Variants in PKP4 observed in about 807,000 individuals in gnomAD.
PKP4 encodes the protein plakophilin-4.
Under a neutral mutation model 145.1 loss-of-function variants are expected in PKP4, and 90 were observed. That is an observed-to-expected ratio of 0.62 (90% CI 0.52 to 0.74). PKP4 has a LOEUF of 0.74. PKP4 is among the 30% of genes least tolerant of loss of function. The probability of loss-of-function intolerance (pLI) is 0.00; values close to 1 mark genes in which losing one functional copy is unlikely to be tolerated. For missense variants in PKP4, 1,340 were observed against 1,482.7 expected (o/e 0.90, Z 1.58); for synonymous variants, 563 against 577.2 (o/e 0.98, Z 0.35).
chr2:158,617,103 T>G (rs543991018), intron 4 of PKP4, among the ~76,000 whole-genome samples: 1 of 152,346 alleles, frequency 6.6e-6, no homozygotes, highest in South Asian at 2.1e-4. Flanking sequence ...TTTTTCTAAT[T>G]ACATAGTTTT....
At chr2:158,535,376 A>G (rs1455924913) in intron 2 of PKP4, among the ~76,000 whole-genome samples, 1 of 152,194 alleles carries the variant, frequency 6.6e-6, no homozygotes, top group Non-Finnish European at 1.5e-5. Context: ...CATGTTTTAT[A>G]TCCAAAAGAG....
At chr2:158,646,073 G>A (rs951636481) in intron 11 of PKP4, among the ~76,000 whole-genome samples, 4 of 152,154 alleles carry the variant, frequency 2.6e-5, no homozygotes, top group African/African-American at 9.7e-5. Flanking sequence ...AATTCAGAAA[G>A]AGCTGTTTTC....
chr2:158,627,289 A>G (rs1457411239), intron 7 of PKP4, among the ~76,000 whole-genome samples: 1 of 152,156 alleles, frequency 6.6e-6, no homozygotes, highest in Non-Finnish European at 1.5e-5. Flanking sequence ...TAGAACAGCT[A>G]TGTAGAAATC....
intron 1 of PKP4, among the ~76,000 whole-genome samples, chr2:158,496,517 C>T (rs1301306512): frequency 1.3e-5 from 2 of 152,104 alleles, no homozygotes; most frequent in Non-Finnish European, 2.9e-5. Flanking sequence ...GGTCCACATC[C>T]ATCTGTCCTC....
intron 9 of PKP4, among the ~76,000 whole-genome samples, chr2:158,639,035 C>A (rs976672342): frequency 6.6e-6 from 1 of 152,182 alleles, no homozygotes; most frequent in Non-Finnish European, 1.5e-5. Context: ...GTTTCACTAA[C>A]CTCTATCACT....
At chr2:158,673,843 T>TACAATAAATGATTATGAGTGTGTGCTCTG in intron 18 of PKP4, 40 bp from the exon 19 acceptor site, 1 of 1,477,508 alleles carries the variant, frequency 6.8e-7, no homozygotes, top group Non-Finnish European at 9.5e-7. Flanking sequence ...GAAATGTCAT[T>TACAATAAATGATTATGAGTGTGTGCTCTG]ATTCATTTTG....
intron 11 of PKP4, among the ~76,000 whole-genome samples, chr2:158,652,887 AT>A (rs2055523066): frequency 1.3e-5 from 2 of 152,142 alleles, no homozygotes; most frequent in Admixed American, 1.3e-4. Context: ...TATCTCCTTG[AT>A]GGTTCCTCAC....
chr2:158,531,165 A>G (rs935668254), intron 1 of PKP4, among the ~76,000 whole-genome samples: 4 of 152,214 alleles, frequency 2.6e-5, no homozygotes, highest in Non-Finnish European at 1.5e-5. Flanking sequence ...TACAATTACC[A>G]TAATATAATT....
intron 2 of PKP4, chr2:158,533,551 T>G (rs1574341511): frequency 3.3e-6 from 2 of 597,302 alleles, no homozygotes; most frequent in East Asian, 7.6e-5. Context: ...ACAATCTCGA[T>G]GGTGATCGGT....
At chr2:158,634,030 G>C (rs374825513) in intron 8 of PKP4, 40 bp from the exon 9 acceptor site, 10 of 1,119,480 alleles carry the variant, frequency 8.9e-6, no homozygotes, top group Non-Finnish European at 1.4e-5. Context: ...GTGATCTCAT[G>C]GAGAACATAC....
chr2:158,502,117 C>A (rs1348911748), intron 1 of PKP4, among the ~76,000 whole-genome samples: 1 of 152,078 alleles, frequency 6.6e-6, no homozygotes, highest in East Asian at 1.9e-4. Context: ...TGCATTCATG[C>A]TGAAGAGTAG....
chr2:158,459,775 T>C (rs1689472301), intron 1 of PKP4, among the ~76,000 whole-genome samples: 1 of 147,396 alleles, frequency 6.8e-6, no homozygotes, highest in African/African-American at 2.5e-5. Flanking sequence ...GAAAACCCTG[T>C]TCAGATGTAT....
chr2:158,514,481 A>C (rs1041029540), intron 1 of PKP4, among the ~76,000 whole-genome samples: 1 of 152,246 alleles, frequency 6.6e-6, no homozygotes, highest in Non-Finnish European at 1.5e-5. Flanking sequence ...CACAGATTCT[A>C]AATGGAATAA....
intron 11 of PKP4, among the ~76,000 whole-genome samples, chr2:158,649,693 C>G (rs1032093040): frequency 1.3e-5 from 2 of 152,154 alleles, no homozygotes; most frequent in African/African-American, 2.4e-5. Flanking sequence ...TAGGGAGTCT[C>G]AGAAGGTCAC....
At position 158,526,179 on chromosome 2, in the gene PKP4, CA is replaced by C. The variant is rs1305477682; in HGVS notation, c.-5-6995del. ...TACCAAAGCCGGGCAGAGACACAACCAAAAAAGAGAATTTTAGACCAATATC... is the reference window on the plus strand; with the variant it reads ...TACCAAAGCCGGGCAGAGACACAACCAAAAAGAGAATTTTAGACCAATATC... On this transcript the variant is annotated intron_variant, in intron 1 of 21. Coordinates refer to ENST00000389759, the MANE Select transcript of PKP4 (RefSeq NM_003628.6). 5.5e-5 allele frequency among the ~76,000 whole-genome samples: 7 copies of C among 127,216 alleles called. No homozygotes were observed. The East Asian group carries it at 1.4e-3, about 26-fold the overall frequency. 83.5% of individuals were successfully genotyped at this position (127,216 alleles called of 152,430 possible).
Position 158,478,067 on chromosome 2 carries a change from A to C in PKP4, c.-6+20849A>C, listed in dbSNP as rs566666824. Among the ~76,000 whole-genome samples the C allele has an allele frequency of 1.7e-3, 252 of 152,302 alleles. 1 individual carries two copies. Among genetic ancestry groups the C allele is most frequent in the African/African-American group, 5.7e-3 (235 of 41,578 alleles). ...TTTCAGTGTCCTAAAATAGACTGGC[A>C]AAGGTTAGAGATCTTAAATTTGCAG... On this transcript the variant is annotated intron_variant, in intron 1 of 21. Coordinates refer to ENST00000389759, the MANE Select transcript of PKP4 (RefSeq NM_003628.6).
At chr2:158,677,065 T>A (rs1559002875) in intron 20 of PKP4, 198 bp downstream of exon 20, 5 of 657,848 alleles carry the variant, frequency 7.6e-6, no homozygotes, top group Non-Finnish European at 1.1e-5. Context: ...ATGTACTTGT[T>A]TGTATGTATG....
chr2:158,599,234 A>T (rs987875595), intron 3 of PKP4, among the ~76,000 whole-genome samples: 3 of 152,170 alleles, frequency 2.0e-5, no homozygotes, highest in African/African-American at 7.2e-5. Flanking sequence ...TAGGAGAGAG[A>T]CTGAAAGAAT....
intron 3 of PKP4, among the ~76,000 whole-genome samples, chr2:158,581,049 T>C (rs1374252557): frequency 1.3e-5 from 2 of 152,204 alleles, no homozygotes; most frequent in Non-Finnish European, 2.9e-5. Flanking sequence ...GGGCACATCA[T>C]GTAAAGGTGC....
Sources: allele counts gnomAD v4.1 joint callset (sites outside exome capture counted in the v4.1 genomes callset), GRCh38; gene constraint gnomAD v4.1.1; transcripts MANE v1.5; gene names NCBI Gene and HGNC (gene_info 2026-07-23, HGNC 2026-07-21).